LRP1B: variants seen among roughly 807,000 people sequenced by gnomAD.
LRP1B encodes low-density lipoprotein receptor-related protein 1B.
Under a neutral mutation model 556.6 loss-of-function variants are expected in LRP1B, and 217 were observed. That is an observed-to-expected ratio of 0.39 (90% CI 0.35 to 0.44). The LOEUF is 0.44. LRP1B is among the 20% of genes least tolerant of loss of function. The probability of loss-of-function intolerance (pLI) is 1.00; values close to 1 mark genes in which losing one functional copy is unlikely to be tolerated. For missense variants in LRP1B, 5,053 were observed against 5,620.8 expected (o/e 0.90, Z 3.23); for synonymous variants, 2,047 against 1,865.8 (o/e 1.10, Z -2.50).
At chr2:140,426,852 C>A (rs1233204947) in intron 66 of LRP1B, among the ~76,000 whole-genome samples, 1 of 152,154 alleles carries the variant, frequency 6.6e-6, no homozygotes, top group East Asian at 1.9e-4. Context: ...AGATCAATCC[C>A]CTGTCTTCCT....
chr2:141,840,231 T>TAGGTCATC (rs1373217586), intron 1 of LRP1B, among the ~76,000 whole-genome samples: 2 of 151,098 alleles, frequency 1.3e-5, no homozygotes, highest in East Asian at 3.9e-4. Flanking sequence ...CCTAGGTCAT[T>TAGGTCATC]AGGTCATCGT....
intron 3 of LRP1B, among the ~76,000 whole-genome samples, chr2:141,421,183 A>G (rs1054443436): frequency 6.6e-6 from 1 of 152,206 alleles, no homozygotes; most frequent in Non-Finnish European, 1.5e-5. Context: ...TCTTGCTGAT[A>G]TCGCTTCTGG....
At chr2:141,743,833 T>A (rs1446793513) in intron 2 of LRP1B, among the ~76,000 whole-genome samples, 2 of 152,128 alleles carry the variant, frequency 1.3e-5, no homozygotes, top group Non-Finnish European at 2.9e-5. Flanking sequence ...TTAGTTTCTG[T>A]GGTGTCAGTT....
chr2:140,657,662 TATAC>T (rs1391709894), intron 41 of LRP1B, among the ~76,000 whole-genome samples: 4 of 144,666 alleles, frequency 2.8e-5, no homozygotes, highest in South Asian at 4.2e-4. Context: ...CATACATATA[TATAC>T]ATACATATAT....
intron 86 of LRP1B, chr2:140,269,319 C>T: frequency 2.1e-6 from 1 of 471,048 alleles, no homozygotes; most frequent in Non-Finnish European, 4.4e-6. Flanking sequence ...CTCATTCTGA[C>T]AGTAGTGATC....
At chr2:141,397,113 CAAAAAAAA>C (rs5834824) in intron 3 of LRP1B, among the ~76,000 whole-genome samples, 5 of 41,964 alleles carry the variant, frequency 1.2e-4, no homozygotes, top group African/African-American at 5.1e-4. Context: ...AACTTTGTCT[CAAAAAAAA>C]AAAAAAAAAA....
intron 1 of LRP1B, among the ~76,000 whole-genome samples, chr2:142,064,094 C>T (rs948276884): frequency 7.9e-5 from 12 of 151,456 alleles, no homozygotes; most frequent in African/African-American, 2.9e-4. Context: ...CTAGTAAATC[C>T]AAATTATTAT....
intron 6 of LRP1B, among the ~76,000 whole-genome samples, chr2:141,211,908 G>A (rs1437385818): frequency 6.6e-6 from 1 of 152,020 alleles, no homozygotes; most frequent in Non-Finnish European, 1.5e-5. Flanking sequence ...GTTACCAACA[G>A]GGAAGTAATT....
At chr2:141,111,700 T>C (rs528111745) in intron 7 of LRP1B, among the ~76,000 whole-genome samples, 6 of 152,252 alleles carry the variant, frequency 3.9e-5, no homozygotes, top group Admixed American at 2.0e-4. Flanking sequence ...AGGCAGCAAC[T>C]AGGAACCTGC....
intron 3 of LRP1B, among the ~76,000 whole-genome samples, chr2:141,283,219 G>A (rs981025186): frequency 6.6e-6 from 1 of 152,160 alleles, no homozygotes; most frequent in Non-Finnish European, 1.5e-5. Flanking sequence ...AAAAAAATAT[G>A]AGGGGTGTTT....
chr2:140,556,641 C>A (rs945974216), intron 43 of LRP1B, among the ~76,000 whole-genome samples: 7 of 151,930 alleles, frequency 4.6e-5, no homozygotes, highest in African/African-American at 1.5e-4. Context: ...ATGAACTTAA[C>A]AATGGGCAAG....
intron 7 of LRP1B, among the ~76,000 whole-genome samples, chr2:141,123,358 T>G (rs1035328670): frequency 6.6e-6 from 1 of 152,050 alleles, no homozygotes; most frequent in South Asian, 2.1e-4. Context: ...AATACTAGAT[T>G]TGGCCTCTTT....
At chr2:141,986,781 CTG>C (rs2105106511) in intron 1 of LRP1B, among the ~76,000 whole-genome samples, 1 of 152,030 alleles carries the variant, frequency 6.6e-6, no homozygotes, top group Admixed American at 6.6e-5. Flanking sequence ...CAAAATTCTC[CTG>C]AATGATCACA....
rs551290522 is a variant in LRP1B at position 141,818,808 on chromosome 2, C to T, written c.83-8407G>A. On this transcript the variant is annotated intron_variant, in intron 1 of 90. Transcript: ENST00000389484. ...GCCTTGGCCTCCCAGAGTACTGGGA[C>T]TACAGGCGTGAGCTACCGCACCTGG... Among the ~76,000 whole-genome samples the T allele has an allele frequency of 5.3e-5, 8 of 151,476 alleles. No individual in the cohort carries two copies. The South Asian group carries it at 8.3e-4, about 16-fold the overall frequency.
chr2:141,065,213 T>C (rs949759906), intron 7 of LRP1B, among the ~76,000 whole-genome samples: 5 of 151,944 alleles, frequency 3.3e-5, no homozygotes, highest in East Asian at 1.9e-4. Flanking sequence ...TATATACTCA[T>C]TGAGCCACTT....
At chr2:141,020,322 A>G (rs1698029524) in intron 11 of LRP1B, among the ~76,000 whole-genome samples, 1 of 152,066 alleles carries the variant, frequency 6.6e-6, no homozygotes, top group African/African-American at 2.4e-5. Context: ...GCCCTCTCTC[A>G]ATTGTACACA....
intron 7 of LRP1B, among the ~76,000 whole-genome samples, chr2:141,130,574 A>G (rs757871622): frequency 7.2e-4 from 110 of 152,272 alleles, no homozygotes; most frequent in African/African-American, 2.5e-3. Flanking sequence ...TTATTTCCAC[A>G]TCTAAAAATG....
At chr2:140,378,421 A>G (rs1368984661) in intron 67 of LRP1B, 135 bp from the exon 68 acceptor site, 3 of 565,982 alleles carry the variant, frequency 5.3e-6, no homozygotes, top group Non-Finnish European at 9.6e-6. Flanking sequence ...ATTGTTTAGG[A>G]AAAATCTCAT....
chr2:141,574,793 C>T (rs1686673412), intron 2 of LRP1B, among the ~76,000 whole-genome samples: 1 of 152,042 alleles, frequency 6.6e-6, no homozygotes, highest in Admixed American at 6.6e-5. Flanking sequence ...AAATCACAAG[C>T]ATTCTTTTAC....
Sources: allele counts gnomAD v4.1 joint callset (sites outside exome capture counted in the v4.1 genomes callset), GRCh38; gene constraint gnomAD v4.1.1; transcripts MANE v1.5; gene names NCBI Gene and HGNC (gene_info 2026-07-23, HGNC 2026-07-21).